The following ADAMTS2 variants were observed in gnomAD, a reference collection of about 807,000 sequenced individuals.
ADAMTS2 encodes the protein ADAM metallopeptidase with thrombospondin type 1 motif 2, also known as A disintegrin and metalloproteinase with thrombospondin motifs 2.
Under a neutral mutation model 123.0 loss-of-function variants are expected in ADAMTS2, and 50 were observed. The observed-to-expected ratio is 0.41, with a 90% CI of 0.32 to 0.51. The LOEUF is 0.51. Among genes scored for constraint, ADAMTS2 ranks in the 20% least tolerant of loss-of-function variants. The probability of loss-of-function intolerance (pLI) is 0.35; values close to 1 mark genes in which losing one functional copy is unlikely to be tolerated. For missense variants in ADAMTS2, 1,494 were observed against 1,705.2 expected (o/e 0.88, Z 2.18); for synonymous variants, 678 against 695.4 (o/e 0.98, Z 0.39).
chr5:179,320,474 ATTT>A (rs10565392), intron 2 of ADAMTS2, among the ~76,000 whole-genome samples: 135 of 142,470 alleles, frequency 9.5e-4, no homozygotes, highest in African/African-American at 3.1e-3. Context: ...CGCCTGGCTA[ATTT>A]TTTTTTTTTT....
intron 2 of ADAMTS2, among the ~76,000 whole-genome samples, chr5:179,296,151 T>A (rs1332995997): frequency 6.7e-6 from 1 of 149,992 alleles, no homozygotes; most frequent in Non-Finnish European, 1.5e-5. Context: ...GACAGGAGAA[T>A]GACCACAGGA....
rs1762611991 is a variant in ADAMTS2 at position 179,113,794 on chromosome 5, A to G, written c.*73T>C. 3 of 1,472,606 alleles carry G rather than the reference A, an allele frequency of 2.0e-6. No individual in the cohort carries two copies. Among genetic ancestry groups the G allele is most frequent in the Non-Finnish European group, 2.9e-6 (3 of 1,052,518 alleles). 91.2% of individuals were successfully genotyped at this position (1,472,606 alleles called of 1,614,324 possible). A position where few individuals can be genotyped will look rare whatever the true frequency, so the allele number is the denominator to read the frequency against. On this transcript the variant is annotated 3_prime_UTR_variant, in exon 22 of 22. Coordinates refer to ENST00000251582, the MANE Select transcript of ADAMTS2 (RefSeq NM_014244.5). ...GGAATTTTGACTTCATCTCCATGAC[A>G]CAGGATTTGCTATCCCATGGAATAT...
chr5:179,135,366 T>C (rs1763048170), intron 13 of ADAMTS2, among the ~76,000 whole-genome samples: 2 of 152,286 alleles, frequency 1.3e-5, no homozygotes, highest in Admixed American at 1.3e-4. Context: ...GACAAGTCTA[T>C]GTTCATGTCA....
intron 4 of ADAMTS2, among the ~76,000 whole-genome samples, chr5:179,201,186 G>C (rs1019605945): frequency 4.6e-5 from 7 of 152,168 alleles, no homozygotes; most frequent in African/African-American, 1.7e-4. Flanking sequence ...TTCCAGTGTA[G>C]AAAGCTTAAA....
At position 179,158,577 on chromosome 5, in the gene ADAMTS2, C is replaced by G; in HGVS notation, c.1132+146G>C. The G allele has an allele frequency of 1.9e-6, 2 of 1,035,932 alleles. No individual in the cohort carries two copies. The highest frequency in any genetic ancestry group is 2.9e-6 in the Non-Finnish European group (2 of 683,506). The allele number at this position is 1,035,932 out of a possible 1,614,324, so 64.2% of individuals were successfully genotyped here. A position where few individuals can be genotyped will look rare whatever the true frequency, so the allele number is the denominator to read the frequency against. ...GTATTTGTCCATCAGTGCACTGCCC[C>G]ACACCCTCACCCAGCTAAGGTGGCC... On this transcript the variant is annotated intron_variant, in intron 6 of 21. Coordinates refer to ENST00000251582, the MANE Select transcript of ADAMTS2 (RefSeq NM_014244.5). The surrounding 1 kb of genome is among the most constrained non-coding windows in gnomAD (Gnocchi z 5.0).
At chr5:179,173,635 C>T (rs1340870428) in intron 5 of ADAMTS2, among the ~76,000 whole-genome samples, 2 of 152,142 alleles carry the variant, frequency 1.3e-5, no homozygotes, top group African/African-American at 4.8e-5. Context: ...AAAACTTGGC[C>T]CACAGCTGGG....
chr5:179,151,210 G>A (rs1315053416), intron 10 of ADAMTS2: 4 of 205,204 alleles, frequency 1.9e-5, no homozygotes, highest in Non-Finnish European at 3.1e-5. Context: ...ACTGTGTAAA[G>A]TGGTTCAGAT....
chr5:179,145,184 A>G (rs960713405), intron 10 of ADAMTS2, among the ~76,000 whole-genome samples: 10 of 152,226 alleles, frequency 6.6e-5, no homozygotes, highest in African/African-American at 1.2e-4. Context: ...CAAAACCCCA[A>G]TGAGATATAT....
At chr5:179,183,925 C>T (rs750867664) in intron 4 of ADAMTS2, among the ~76,000 whole-genome samples, 3 of 152,174 alleles carry the variant, frequency 2.0e-5, no homozygotes, top group African/African-American at 7.2e-5. Context: ...CTCTCTCTGC[C>T]GTGGGAGGAC....
chr5:179,195,831 C>A (rs1764416685), intron 4 of ADAMTS2, among the ~76,000 whole-genome samples: 1 of 152,230 alleles, frequency 6.6e-6, no homozygotes. Context: ...GCCAGCAACA[C>A]CCCCAGGGCC....
rs947359328 is a variant in ADAMTS2, at chr5:179,180,066, T to C, written c.975+1006A>G. 6.6e-6 allele frequency among the ~76,000 whole-genome samples: 1 copy of C among 152,214 alleles called. No individual in the cohort carries two copies. The highest frequency in any genetic ancestry group is 6.5e-5 in the Admixed American group (1 of 15,288). ...AAGTCACATTAAGCCTCGGTGTTCTTATCTGTGAAATGGGCAGAGTCACAG... is the reference window on the plus strand; with the variant it reads ...AAGTCACATTAAGCCTCGGTGTTCTCATCTGTGAAATGGGCAGAGTCACAG... On this transcript the variant is annotated intron_variant, in intron 5 of 21. Coordinates refer to ENST00000251582, the MANE Select transcript of ADAMTS2 (RefSeq NM_014244.5). The surrounding 1 kb of genome is among the most constrained non-coding windows in gnomAD (Gnocchi z 4.6).
chr5:179,239,715 C>G (rs1765618036), intron 3 of ADAMTS2, among the ~76,000 whole-genome samples: 1 of 152,036 alleles, frequency 6.6e-6, no homozygotes, highest in Non-Finnish European at 1.5e-5. Flanking sequence ...CAGAGGGGTG[C>G]AGAGGGAGAC....
intron 3 of ADAMTS2, among the ~76,000 whole-genome samples, chr5:179,232,125 C>T (rs1765423969): frequency 6.6e-6 from 1 of 152,138 alleles, no homozygotes; most frequent in South Asian, 2.1e-4. Context: ...GGAAGATATT[C>T]CACGTTTATC....
In ADAMTS2 at chr5:179,158,815, T is replaced by C; in HGVS notation, c.1040A>G (p.Tyr347Cys). The change falls in exon 6 of 22, where the codon TAC (tyrosine) becomes TGC (cysteine). Residue 347 changes from tyrosine (Y) to cysteine (C), a missense_variant. This residue lies in a region of ADAMTS2 where 70 missense variants were observed against 85.3 expected (regional missense o/e 0.82). Coordinates refer to ENST00000251582, the MANE Select transcript of ADAMTS2 (RefSeq NM_014244.5). The surrounding 1 kb of genome is among the most constrained non-coding windows in gnomAD (Gnocchi z 5.0). ...GCCCGTGTCTGGCTTCTGCTGGAGG[T>C]AGGCCCAGCGGCAGACATTCTCCAG... is the stretch of plus-strand genomic sequence containing the variant. ...QSLENVCRWA[Y>C]LQQKPDTGHD... 6.2e-7 allele frequency: 1 copy of C among 1,614,112 alleles called. No individual in the cohort carries two copies. The highest frequency in any genetic ancestry group is 8.5e-7 in the Non-Finnish European group (1 of 1,180,030).
chr5:179,208,828 G>C (rs369331568), intron 3 of ADAMTS2, among the ~76,000 whole-genome samples: 1 of 152,116 alleles, frequency 6.6e-6, no homozygotes, highest in Admixed American at 6.5e-5. Flanking sequence ...GCATTCCCCA[G>C]GCAGGTCCTC....
Position 179,128,210 on chromosome 5 carries a change from A to T in ADAMTS2, c.2458-92T>A. 6.7e-7 allele frequency: 1 copy of T among 1,486,050 alleles called. No individual in the cohort carries two copies. The highest frequency in any genetic ancestry group is 9.2e-7 in the Non-Finnish European group (1 of 1,083,354). The allele number at this position is 1,486,050 out of a possible 1,614,324, so 92.1% of individuals were successfully genotyped here. A position where few individuals can be genotyped will look rare whatever the true frequency, so the allele number is the denominator to read the frequency against. Reference sequence around the variant, plus strand: ...GAACGGCAGCTGAGGCCGACTCCAGAGGAGTCTCATCATTCATGGCAGTTA... The same window carrying T: ...GAACGGCAGCTGAGGCCGACTCCAGTGGAGTCTCATCATTCATGGCAGTTA... On this transcript the variant is annotated intron_variant, in intron 16 of 21. Coordinates refer to ENST00000251582, the MANE Select transcript of ADAMTS2 (RefSeq NM_014244.5). This position sits in a 1 kb window ranked among gnomAD's most constrained non-coding sequence, Gnocchi z 4.9.
rs558875908 is a variant in ADAMTS2, at chr5:179,311,715, C to T, written c.534+32052G>A. ...GTTAGGTGAGTTTAGCTAGAATCCC[C>T]GACCCCTGATGTTGCTCTTAGTAAT... is the stretch of plus-strand genomic sequence containing the variant. On this transcript the variant is annotated intron_variant, in intron 2 of 21. Transcript: ENST00000251582. 1.1e-3 allele frequency among the ~76,000 whole-genome samples: 171 copies of T among 152,176 alleles called. 1 individual carries two copies. The highest frequency in any genetic ancestry group is 1.1e-3 in the Non-Finnish European group (78 of 68,012).
rs372702828 is a variant in ADAMTS2, at chr5:179,199,417, C to T, written c.891+8096G>A. Among the ~76,000 whole-genome samples the T allele has an allele frequency of 2.6e-3, 393 of 152,302 alleles. 1 individual carries two copies. The highest frequency in any genetic ancestry group is 6.8e-3 in the Middle Eastern group (2 of 294). ...GTCTGGTGGATGGCTGGCCAGAGCCCGTGTTTCGGCAGAGGTGAACCTCCC... is the reference window on the plus strand; with the variant it reads ...GTCTGGTGGATGGCTGGCCAGAGCCTGTGTTTCGGCAGAGGTGAACCTCCC... On this transcript the variant is annotated intron_variant, in intron 4 of 21. Coordinates refer to ENST00000251582, the MANE Select transcript of ADAMTS2 (RefSeq NM_014244.5).
intron 3 of ADAMTS2, among the ~76,000 whole-genome samples, chr5:179,270,320 C>A (rs972112407): frequency 6.6e-6 from 1 of 152,186 alleles, no homozygotes; most frequent in African/African-American, 2.4e-5. Context: ...TGCCCATCCC[C>A]CACTGGGACA....
Sources: gnomAD v4.1 joint callset for allele counts (sites outside exome capture counted in the v4.1 genomes callset) on GRCh38, gnomAD v4.1.1 for gene constraint, gnomAD v4.1.1 regional missense constraint, Gnocchi (gnomAD v3.1) non-coding constraint, MANE v1.5 for transcripts, NCBI Gene and HGNC (gene_info 2026-07-23, HGNC 2026-07-21) for gene names.